C12orf60: variants seen among roughly 807,000 people sequenced by gnomAD.
C12orf60 encodes uncharacterized protein C12orf60.
For missense variants in C12orf60, 284 were observed against 283.2 expected, an observed-to-expected ratio of 1.00 and a Z score of -0.02; for synonymous variants, 102 against 94.6, an observed-to-expected ratio of 1.08 and a Z score of -0.45.
At chr12:14,819,562 T>C (rs535609298) in intron 1 of C12orf60, among the ~76,000 whole-genome samples, 2 of 152,152 alleles carry the variant, frequency 1.3e-5, no homozygotes, top group Admixed American at 1.3e-4. Context: ...TAAATAGAAC[T>C]AGTGAACGTG....
At chr12:14,815,602 C>A (rs574110451) in intron 1 of C12orf60, among the ~76,000 whole-genome samples, 1 of 152,078 alleles carries the variant, frequency 6.6e-6, no homozygotes, top group Non-Finnish European at 1.5e-5. Context: ...TTAAAAAATC[C>A]TTTTAATTAT....
At chr12:14,820,359 CTT>C (rs1565422628) in intron 1 of C12orf60, among the ~76,000 whole-genome samples, 2 of 151,750 alleles carry the variant, frequency 1.3e-5, no homozygotes, top group South Asian at 4.1e-4. Context: ...GATTTCTACT[CTT>C]TATTATTTTT....
At chr12:14,816,001 A>C (rs1350235663) in intron 1 of C12orf60, among the ~76,000 whole-genome samples, 2 of 152,222 alleles carry the variant, frequency 1.3e-5, no homozygotes, top group African/African-American at 4.8e-5. Flanking sequence ...TGAGCCCCCT[A>C]ATCAACTTGA....
chr12:14,806,212 C>A, intron 1 of C12orf60: 1 of 1,614,164 alleles, frequency 6.2e-7, no homozygotes, highest in South Asian at 1.1e-5. Flanking sequence ...AGGAGAGAAG[C>A]ACCAATTTGA....
At chr12:14,815,921 AATTAAGG>A (rs1950208431) in intron 1 of C12orf60, among the ~76,000 whole-genome samples, 1 of 152,202 alleles carries the variant, frequency 6.6e-6, no homozygotes, top group South Asian at 2.1e-4. Flanking sequence ...GAGTTGCCAA[AATTAAGG>A]ATAAACAGTA....
Position 14,823,145 on chromosome 12 carries a change from G to A in C12orf60, c.210G>A (p.Met70Ile), listed in dbSNP as rs772650643. 1.2e-6 allele frequency: 2 copies of A among 1,614,016 alleles called. No homozygotes were observed. The highest frequency in any genetic ancestry group is 1.7e-6 in the Non-Finnish European group (2 of 1,180,030). ...AAATGCTCAAAATTTTTAAGGAGAT[G>A]CAATCTGTAGTGGATGCAAGACATG... ...FEQMLKIFKE[M>I]QSVVDARHDK... is the part of the protein sequence containing the mutation. The change falls in exon 2 of 2, where the codon ATG becomes ATA. Residue 70 changes from methionine (M) to isoleucine (I), a missense_variant. Transcript: ENST00000330828.
chr12:14,817,169 A>G (rs994954004), intron 1 of C12orf60, among the ~76,000 whole-genome samples: 1 of 151,532 alleles, frequency 6.6e-6, no homozygotes, highest in Non-Finnish European at 1.5e-5. Context: ...TTTCTTCTGT[A>G]TTTTCTTCTG....
chr12:14,809,175 T>G (rs1950099359), intron 1 of C12orf60, among the ~76,000 whole-genome samples: 1 of 152,186 alleles, frequency 6.6e-6, no homozygotes, highest in African/African-American at 2.4e-5. Context: ...TATGAAGGCA[T>G]AGTTTCCAGA....
At chr12:14,805,332 G>A (rs1357504076) in intron 1 of C12orf60, 1 of 152,198 alleles carries the variant, frequency 6.6e-6, no homozygotes, top group African/African-American at 2.4e-5. Flanking sequence ...GTTGGTCAGG[G>A]TTGATTGCAG....
chr12:14,821,235 T>C (rs939965027), intron 1 of C12orf60, among the ~76,000 whole-genome samples: 2 of 152,250 alleles, frequency 1.3e-5, no homozygotes, highest in Non-Finnish European at 1.5e-5. Context: ...AATTTGCCTA[T>C]TGACGAAAAT....
intron 1 of C12orf60, among the ~76,000 whole-genome samples, chr12:14,817,333 GTTCT>G (rs1427962575): frequency 6.6e-6 from 1 of 152,076 alleles, no homozygotes; most frequent in East Asian, 1.9e-4. Flanking sequence ...TTTTGTTGTT[GTTCT>G]TTCTTTGTTT....
chr12:14,819,132 T>G (rs1249528248), intron 1 of C12orf60, among the ~76,000 whole-genome samples: 5 of 152,212 alleles, frequency 3.3e-5, no homozygotes. Context: ...TGAGTTGACA[T>G]CTTTGCTATA....
intron 1 of C12orf60, among the ~76,000 whole-genome samples, chr12:14,813,452 C>G (rs892602444): frequency 1.3e-5 from 2 of 152,136 alleles, no homozygotes; most frequent in African/African-American, 4.8e-5. Flanking sequence ...AAAAATTGAT[C>G]ATGATGTGAT....
intron 1 of C12orf60, among the ~76,000 whole-genome samples, chr12:14,811,220 A>C (rs902160113): frequency 1.3e-5 from 2 of 152,164 alleles, no homozygotes; most frequent in African/African-American, 4.8e-5. Context: ...TATTATTTGA[A>C]TATTTTCTTG....
At chr12:14,818,452 T>C (rs1950256566) in intron 1 of C12orf60, among the ~76,000 whole-genome samples, 2 of 152,180 alleles carry the variant, frequency 1.3e-5, no homozygotes, top group Non-Finnish European at 2.9e-5. Context: ...ACACCTAAAC[T>C]TTCTATGTTA....
chr12:14,807,935 G>A (rs556944719), intron 1 of C12orf60, among the ~76,000 whole-genome samples: 1 of 152,300 alleles, frequency 6.6e-6, no homozygotes, highest in East Asian at 1.9e-4. Context: ...GGAGGCCCAG[G>A]CAGGTGAATA....
chr12:14,821,810 C>G (rs1950309567), intron 1 of C12orf60, among the ~76,000 whole-genome samples: 3 of 151,860 alleles, frequency 2.0e-5, no homozygotes, highest in Admixed American at 1.3e-4. Context: ...TGGTTCTCAC[C>G]TGGGGGCAAA....
rs149459242 is a variant in C12orf60, at chr12:14,823,441, C to T, written c.506C>T (p.Thr169Ile). 1.4e-3 allele frequency: 2,263 copies of T among 1,613,622 alleles called. No individual in the cohort carries two copies. The highest frequency in any genetic ancestry group is 1.8e-3 in the Non-Finnish European group (2,121 of 1,179,870). The change falls in exon 2 of 2, where the codon ACA becomes ATA. Residue 169 changes from threonine to isoleucine, a missense_variant. Physicochemically the swap from Thr to Ile is moderately conservative, Grantham distance 89. Coordinates refer to ENST00000330828, the MANE Select transcript of C12orf60 (RefSeq NM_175874.4). ...ACCAAAGAGCAATCAGATGTCACCACATCTGAGAGAACCAGAAGTCCTCCA... is the reference window on the plus strand; with the variant it reads ...ACCAAAGAGCAATCAGATGTCACCATATCTGAGAGAACCAGAAGTCCTCCA... ...EDTKEQSDVT[T>I]SERTRSPPGS...
At chr12:14,812,858 T>C (rs1191778669) in intron 1 of C12orf60, among the ~76,000 whole-genome samples, 1 of 152,178 alleles carries the variant, frequency 6.6e-6, no homozygotes, top group Non-Finnish European at 1.5e-5. Context: ...GTCACCCAGA[T>C]ACTGAGCATA....
Sources: allele counts gnomAD v4.1 joint callset (sites outside exome capture counted in the v4.1 genomes callset), GRCh38; gene constraint gnomAD v4.1.1; transcripts MANE v1.5; gene names NCBI Gene and HGNC (gene_info 2026-07-23, HGNC 2026-07-21).